The following UBE2O variants were observed in gnomAD, a reference collection of about 807,000 sequenced individuals.
The protein encoded by UBE2O is (E3-independent) E2 ubiquitin-conjugating enzyme.
Under a neutral mutation model 125.8 loss-of-function variants are expected in UBE2O, and 15 were observed. The ratio of observed to expected loss-of-function variants is 0.12; its 90% CI spans 0.08 to 0.18. The LOEUF (loss-of-function observed/expected upper bound fraction) is 0.18. Ranked by LOEUF, UBE2O falls within the 10% of genes least tolerant of loss-of-function variation. UBE2O has a pLI of 1.00. For synonymous variants in UBE2O, 708 were observed against 703.2 expected (o/e 1.01, Z -0.11); for missense variants, 1,280 against 1,723.6 (o/e 0.74, Z 4.56).
chr17:76,415,826 T>TGTGC (rs2072593845), intron 1 of UBE2O, among the ~76,000 whole-genome samples: 1 of 151,654 alleles, frequency 6.6e-6, no homozygotes, highest in African/African-American at 2.4e-5. Context: ...TGTGTGTGTG[T>TGTGC]GTGCATACAC....
chr17:76,446,363 G>A (rs185971683), intron 1 of UBE2O, among the ~76,000 whole-genome samples: 2 of 152,218 alleles, frequency 1.3e-5, no homozygotes, highest in Non-Finnish European at 2.9e-5. Context: ...GCCCCCAACA[G>A]GTTCCACTGG....
At position 76,453,114 on chromosome 17, in the gene UBE2O, C is replaced by A; in HGVS notation, c.28G>T (p.Ala10Ser). 1 of 821,046 alleles carries A rather than the reference C, an allele frequency of 1.2e-6. No individual in the cohort carries two copies. Among genetic ancestry groups the A allele is most frequent in the Non-Finnish European group, 1.7e-6 (1 of 589,860 alleles). 50.9% of individuals were successfully genotyped at this position (821,046 alleles called of 1,614,324 possible). The part of the protein sequence containing the change: MADPAAPTP[A>S]APAPAQAPAP... Reference sequence around the variant, plus strand: ...GGGGCCTGGGCTGGAGCGGGAGCTGCGGGCGTGGGGGCTGCGGGATCCGCC... The same window carrying A: ...GGGGCCTGGGCTGGAGCGGGAGCTGAGGGCGTGGGGGCTGCGGGATCCGCC... Residue 10 changes from alanine (A) to serine (S), a missense_variant, in exon 1 of 18, where the codon GCA (alanine) becomes TCA (serine). Coordinates refer to ENST00000319380, the MANE Select transcript of UBE2O (RefSeq NM_022066.4).
Position 76,398,680 on chromosome 17 carries a change from C to T in UBE2O, c.1784-96G>A. The T allele has an allele frequency of 1.4e-6, 2 of 1,479,910 alleles. No homozygotes were observed. Among genetic ancestry groups the T allele is most frequent in the Admixed American group, 3.6e-5 (2 of 56,214 alleles). 91.7% of individuals were successfully genotyped at this position (1,479,910 alleles called of 1,614,324 possible). A position where few individuals can be genotyped will look rare whatever the true frequency, so the allele number is the denominator to read the frequency against. ...GCAGAGTGCAGAACCCTGACCTTCC[C>T]CCGTCTTGGAAGTGGTGAGACCCCT... On this transcript the variant is annotated intron_variant, in intron 10 of 17. Transcript: ENST00000319380. The surrounding 1 kb of genome is among the most constrained non-coding windows in gnomAD (Gnocchi z 5.4).
Position 76,453,073 on chromosome 17 carries a change from C to T in UBE2O, c.69G>A (p.Glu23=), listed in dbSNP as rs1373854785. 1 of 1,248,992 alleles carries T rather than the reference C, an allele frequency of 8.0e-7. No individual in the cohort carries two copies. The highest frequency in any genetic ancestry group is 3.2e-5 in the East Asian group (1 of 31,544). 77.4% of individuals were successfully genotyped at this position (1,248,992 alleles called of 1,614,324 possible). A position where few individuals can be genotyped will look rare whatever the true frequency, so the allele number is the denominator to read the frequency against. Residue 23 remains glutamate (E), a synonymous_variant, in exon 1 of 18, where the codon GAG becomes GAA. Coordinates refer to ENST00000319380, the MANE Select transcript of UBE2O (RefSeq NM_022066.4). ...APAQAPAPAP[E]AVPAPAAAPV... ...GGGCTGCGGCTGGGGCCGGGACTGC[C>T]TCCGGGGCTGGAGCCGGGGCCTGGG...
Position 76,401,119 on chromosome 17 carries a change from T to A in UBE2O, c.786A>T (p.Pro262=). 3 of 1,613,742 alleles carry A rather than the reference T, an allele frequency of 1.9e-6. No individual in the cohort carries two copies. Among genetic ancestry groups the A allele is most frequent in the Non-Finnish European group, 2.5e-6 (3 of 1,180,018 alleles). The stretch of plus-strand genomic sequence containing the variant: ...TGGCAGGGCCAATGAGCACCTGGCC[T>A]GGGTAGAAGCCATAGGAATCATCGA... ...LFFDDSYGFY[P]GQVLIGPAKI... is the part of the protein sequence containing the mutation. The change falls in exon 6 of 18, where the codon CCA becomes CCT. Residue 262 remains proline (P), a synonymous_variant. Coordinates refer to ENST00000319380, the MANE Select transcript of UBE2O (RefSeq NM_022066.4).
intron 12 of UBE2O, 57 bp from the exon 13 acceptor site, chr17:76,397,945 C>T (rs1199015867): frequency 1.3e-5 from 20 of 1,575,092 alleles, no homozygotes; most frequent in Non-Finnish European, 1.7e-5. Context: ...GCTCCCCAGC[C>T]CCTCCTGTGC....
intron 1 of UBE2O, among the ~76,000 whole-genome samples, chr17:76,409,118 G>A (rs1485708794): frequency 1.3e-5 from 2 of 150,660 alleles, no homozygotes; most frequent in African/African-American, 2.4e-5. Flanking sequence ...ACAGGCGCCC[G>A]CCACCACGCC....
chr17:76,391,228 G>A lies in UBE2O; in HGVS notation c.3594C>T (p.Gly1198=). The A allele has an allele frequency of 1.2e-6, 2 of 1,613,432 alleles. No homozygotes were observed. The highest frequency in any genetic ancestry group is 1.7e-6 in the Non-Finnish European group (2 of 1,179,710). The change falls in exon 18 of 18, where the codon GGC becomes GGT. Residue 1198 remains glycine, a synonymous_variant. Coordinates refer to ENST00000319380, the MANE Select transcript of UBE2O (RefSeq NM_022066.4). The surrounding 1 kb of genome is among the most constrained non-coding windows in gnomAD (Gnocchi z 8.4). The part of the protein sequence containing the change: ...GGPAPGEASQ[G]SDSEGGAQGL... The stretch of plus-strand genomic sequence containing the variant: ...CCTGGGCACCGCCCTCTGAGTCTGA[G>A]CCCTGGGAGGCCTCTCCTGGGGCTG...
chr17:76,441,422 T>C (rs533313023), intron 1 of UBE2O, among the ~76,000 whole-genome samples: 1 of 152,316 alleles, frequency 6.6e-6, no homozygotes, highest in African/African-American at 2.4e-5. Flanking sequence ...TGGCGGATGA[T>C]GAGTCCGCCT....
At chr17:76,413,671 G>A (rs998135423) in intron 1 of UBE2O, among the ~76,000 whole-genome samples, 5 of 152,082 alleles carry the variant, frequency 3.3e-5, no homozygotes, top group African/African-American at 1.2e-4. Context: ...CACCTGCGCC[G>A]ACTCTCGGTC....
chr17:76,416,558 A>C (rs1445749715), intron 1 of UBE2O, among the ~76,000 whole-genome samples: 1 of 152,176 alleles, frequency 6.6e-6, no homozygotes, highest in African/African-American at 2.4e-5. Flanking sequence ...GCTCTCAGCC[A>C]TGACAGACCG....
rs768947981 is a variant in UBE2O, at chr17:76,452,768, T to A, written c.374A>T (p.Gln125Leu). ...SPLRRGYVRV[Q>L]WYPEGVKQHV... The stretch of plus-strand genomic sequence containing the variant: ...CTGCTTGACGCCCTCCGGGTACCAC[T>A]GGACGCGCACGTAGCCGCGGCGCAG... The change falls in exon 1 of 18, where the codon CAG becomes CTG. Residue 125 changes from glutamine (Q) to leucine (L), a missense_variant. Physicochemically the swap from Gln to Leu is moderately radical, Grantham distance 113 (BLOSUM62 -2). Coordinates refer to ENST00000319380, the MANE Select transcript of UBE2O (RefSeq NM_022066.4). The surrounding 1 kb of genome is among the most constrained non-coding windows in gnomAD (Gnocchi z 4.4). 28 of 1,519,318 alleles carry A rather than the reference T, an allele frequency of 1.8e-5. No homozygotes were observed. The highest frequency in any genetic ancestry group is 2.4e-5 in the Non-Finnish European group (27 of 1,141,620). The allele number at this position is 1,519,318 out of a possible 1,614,324, so 94.1% of individuals were successfully genotyped here. A position where few individuals can be genotyped will look rare whatever the true frequency, so the allele number is the denominator to read the frequency against.
intron 3 of UBE2O, among the ~76,000 whole-genome samples, chr17:76,403,019 C>T (rs2072355637): frequency 6.6e-6 from 1 of 152,168 alleles, no homozygotes; most frequent in South Asian, 2.1e-4. Flanking sequence ...CACAGGACAC[C>T]TGGCAAAGTA....
At chr17:76,419,919 G>GC (rs558831891) in intron 1 of UBE2O, among the ~76,000 whole-genome samples, 83 of 152,296 alleles carry the variant, frequency 5.4e-4, no homozygotes, top group African/African-American at 1.9e-3. Context: ...TGCCTGCTTG[G>GC]CCCCATTCCT....
chr17:76,449,881 T>C (rs531308161), intron 1 of UBE2O, among the ~76,000 whole-genome samples: 53 of 150,642 alleles, frequency 3.5e-4, no homozygotes, highest in African/African-American at 9.0e-4. Flanking sequence ...GCTGGCGCCA[T>C]TGCACTCCAG....
At chr17:76,427,142 G>A (rs1215071924) in intron 1 of UBE2O, among the ~76,000 whole-genome samples, 1 of 151,976 alleles carries the variant, frequency 6.6e-6, no homozygotes, top group African/African-American at 2.4e-5. Context: ...TTTTCCCACT[G>A]GGCCCTCATA....
chr17:76,415,399 C>A (rs1712691312), intron 1 of UBE2O, among the ~76,000 whole-genome samples: 1 of 152,196 alleles, frequency 6.6e-6, no homozygotes, highest in Non-Finnish European at 1.5e-5. Context: ...CACCCAAGTG[C>A]CAGGACTCCA....
At chr17:76,427,894 C>T (rs542255272) in intron 1 of UBE2O, among the ~76,000 whole-genome samples, 35 of 152,306 alleles carry the variant, frequency 2.3e-4, no homozygotes, top group African/African-American at 7.0e-4. Flanking sequence ...CTCCATGCTT[C>T]ACGTGTTCAT....
intron 1 of UBE2O, among the ~76,000 whole-genome samples, chr17:76,446,550 C>T (rs528791480): frequency 1.3e-5 from 2 of 152,066 alleles, no homozygotes; most frequent in South Asian, 4.2e-4. Flanking sequence ...CCTCTAATGT[C>T]CTAAAGCAAA....
Sources: gnomAD v4.1 joint callset for allele counts (sites outside exome capture counted in the v4.1 genomes callset) on GRCh38, gnomAD v4.1.1 for gene constraint, Gnocchi (gnomAD v3.1) non-coding constraint, MANE v1.5 for transcripts, NCBI Gene and HGNC (gene_info 2026-07-23, HGNC 2026-07-21) for gene names.